ARHGEF38: variants seen among roughly 807,000 people sequenced by gnomAD.
ARHGEF38 encodes Rho guanine nucleotide exchange factor 38.
A neutral mutation model predicts 79.9 loss-of-function variants in ARHGEF38; 79 were observed. The observed-to-expected ratio is 0.99, with a 90% CI of 0.82 to 1.19. The LOEUF (loss-of-function observed/expected upper bound fraction) is 1.19, where lower values mean the gene tolerates loss of function less well. Among genes scored for constraint, ARHGEF38 ranks in the 50% most tolerant of loss-of-function variants. The probability of loss-of-function intolerance (pLI) is 0.00; values close to 1 mark genes in which losing one functional copy is unlikely to be tolerated. For synonymous variants in ARHGEF38, 366 were observed against 328.3 expected, an observed-to-expected ratio of 1.11 and a Z score of -1.24; for missense variants, 962 against 907.2, an observed-to-expected ratio of 1.06 and a Z score of -0.78.
intron 6 of ARHGEF38, among the ~76,000 whole-genome samples, chr4:105,646,497 G>A (rs886858862): frequency 6.6e-6 from 1 of 152,114 alleles, no homozygotes; most frequent in Non-Finnish European, 1.5e-5. Flanking sequence ...TAATGAATAC[G>A]CTAAATGTTG....
intron 1 of ARHGEF38, among the ~76,000 whole-genome samples, chr4:105,566,479 T>C (rs986571686): frequency 2.6e-5 from 4 of 152,234 alleles, no homozygotes; most frequent in African/African-American, 9.6e-5. Flanking sequence ...TGAGATATTC[T>C]GATACAGGCA....
intron 5 of ARHGEF38, among the ~76,000 whole-genome samples, chr4:105,637,111 TAAGGTCCC>T (rs1729428587): frequency 6.6e-6 from 1 of 151,526 alleles, no homozygotes; most frequent in African/African-American, 2.4e-5. Context: ...AGCAACTCTT[TAAGGTCCC>T]AAGCTTCTAG....
chr4:105,667,009 A>G lies in ARHGEF38; in HGVS notation c.1690-120A>G, dbSNP rs115302685. The G allele has an allele frequency of 1.6e-5, 14 of 865,484 alleles. No homozygotes were observed. In the African/African-American group the frequency reaches 2.2e-4, roughly 14 times the overall value. The allele number at this position is 865,484 out of a possible 1,614,324, so 53.6% of individuals were successfully genotyped here. ...TGCTCTATGCCTGCACCTTGAAATAATCCTCTAAAAATATATGACTCCTAC... is the reference window on the plus strand; with the variant it reads ...TGCTCTATGCCTGCACCTTGAAATAGTCCTCTAAAAATATATGACTCCTAC... On this transcript the variant is annotated intron_variant, in intron 11 of 13. Coordinates refer to ENST00000420470, the MANE Select transcript of ARHGEF38 (RefSeq NM_001242729.2).
intron 7 of ARHGEF38, among the ~76,000 whole-genome samples, chr4:105,649,398 GAAGTCTGTATTTTTGCAA>G (rs1391806926): frequency 6.6e-6 from 1 of 152,164 alleles, no homozygotes; most frequent in East Asian, 1.9e-4. Context: ...GTACAATCTA[GAAGTCTGTATTTTTGCAA>G]ACACTCTAGG....
chr4:105,573,520 A>G (rs891821989), intron 1 of ARHGEF38, among the ~76,000 whole-genome samples: 4 of 152,166 alleles, frequency 2.6e-5, no homozygotes, highest in African/African-American at 9.6e-5. Flanking sequence ...GCACCCTTGT[A>G]AAATATCATT....
chr4:105,655,737 T>G lies in ARHGEF38; in HGVS notation c.1233+15T>G, dbSNP rs1380346143. ...GTCATGACTTTGTAAGTTATTTATA[T>G]TCACAGATAAATGCAAATTAAATAG... On this transcript the variant is annotated intron_variant, in intron 9 of 13. Coordinates refer to ENST00000420470, the MANE Select transcript of ARHGEF38 (RefSeq NM_001242729.2). The G allele has an allele frequency of 2.0e-6, 3 of 1,531,884 alleles. No individual in the cohort carries two copies. The highest frequency in any genetic ancestry group is 4.0e-5 in the Admixed American group (2 of 50,526). 94.9% of individuals were successfully genotyped at this position (1,531,884 alleles called of 1,614,324 possible). A position where few individuals can be genotyped will look rare whatever the true frequency, so the allele number is the denominator to read the frequency against.
At chr4:105,673,481 C>T (rs1393065813) in intron 13 of ARHGEF38, among the ~76,000 whole-genome samples, 1 of 152,140 alleles carries the variant, frequency 6.6e-6, no homozygotes, top group Non-Finnish European at 1.5e-5. Flanking sequence ...CATAGTCTGG[C>T]CCTTCATCTT....
At chr4:105,635,391 A>G (rs576708816) in intron 4 of ARHGEF38, among the ~76,000 whole-genome samples, 2 of 152,168 alleles carry the variant, frequency 1.3e-5, no homozygotes, top group Admixed American at 1.3e-4. Flanking sequence ...ACATAAACAC[A>G]ATGTTTAATT....
At chr4:105,570,538 C>A (rs1406965939) in intron 1 of ARHGEF38, among the ~76,000 whole-genome samples, 1 of 152,144 alleles carries the variant, frequency 6.6e-6, no homozygotes, top group Non-Finnish European at 1.5e-5. Flanking sequence ...GCAAACACAT[C>A]CTTCTCATGG....
At chr4:105,665,983 T>A (rs749428096) in intron 10 of ARHGEF38, among the ~76,000 whole-genome samples, 194 bp from the exon 11 acceptor site, 4 of 152,112 alleles carry the variant, frequency 2.6e-5, no homozygotes, top group Non-Finnish European at 4.4e-5. Flanking sequence ...TAAAAAAAAA[T>A]TCCTATCATG....
intron 1 of ARHGEF38, among the ~76,000 whole-genome samples, chr4:105,584,971 T>A (rs1726963352): frequency 6.6e-6 from 1 of 152,176 alleles, no homozygotes; most frequent in Non-Finnish European, 1.5e-5. Context: ...TGCTCAGGAT[T>A]CTAAACCCCA....
intron 2 of ARHGEF38, among the ~76,000 whole-genome samples, chr4:105,596,369 C>G (rs868678623): frequency 6.6e-6 from 1 of 152,136 alleles, no homozygotes; most frequent in South Asian, 2.1e-4. Context: ...TTGTGCCCCC[C>G]ACCCCAAACC....
chr4:105,633,681 A>G (rs1729285235), intron 4 of ARHGEF38, among the ~76,000 whole-genome samples: 1 of 152,196 alleles, frequency 6.6e-6, no homozygotes, highest in African/African-American at 2.4e-5. Context: ...AACCAAAATT[A>G]CAGTATGTTT....
At chr4:105,651,519 C>T (rs909958664) in intron 7 of ARHGEF38, among the ~76,000 whole-genome samples, 1 of 152,172 alleles carries the variant, frequency 6.6e-6, no homozygotes, top group Admixed American at 6.5e-5. Flanking sequence ...GGGGTTGAAT[C>T]CTGATCCTAC....
chr4:105,670,908 A>G (rs1244744815), intron 13 of ARHGEF38, among the ~76,000 whole-genome samples: 4 of 152,294 alleles, frequency 2.6e-5, no homozygotes, highest in African/African-American at 9.6e-5. Flanking sequence ...AGCACCTCAC[A>G]CAGACTTTCT....
At position 105,613,373 on chromosome 4, in the gene ARHGEF38, T is replaced by G; in HGVS notation, c.385-11T>G. The G allele has an allele frequency of 1.2e-6, 2 of 1,611,158 alleles. No homozygotes were observed. Among genetic ancestry groups the G allele is most frequent in the Non-Finnish European group, 8.5e-7 (1 of 1,178,364 alleles). ...GCTTCTCCATCAGCTCAATGTTTTT[T>G]GTTTCTTCAGACTGATAGGCTGGAT... On this transcript the variant is annotated splice_polypyrimidine_tract_variant and intron_variant, in intron 2 of 13. Coordinates refer to ENST00000420470, the MANE Select transcript of ARHGEF38 (RefSeq NM_001242729.2).
chr4:105,637,750 A>G (rs138112258), intron 5 of ARHGEF38, among the ~76,000 whole-genome samples: 2 of 152,244 alleles, frequency 1.3e-5, no homozygotes, highest in African/African-American at 4.8e-5. Flanking sequence ...AGAGAGATTC[A>G]GAGGAGAAAA....
chr4:105,556,690 A>C (rs973088131), intron 1 of ARHGEF38, among the ~76,000 whole-genome samples: 1 of 152,130 alleles, frequency 6.6e-6, no homozygotes, highest in Non-Finnish European at 1.5e-5. Context: ...TAACTGTTGC[A>C]TCTCAGCAGC....
intron 1 of ARHGEF38, among the ~76,000 whole-genome samples, chr4:105,571,825 CA>C (rs756769848): frequency 2.0e-5 from 3 of 152,146 alleles, no homozygotes; most frequent in Admixed American, 6.5e-5. Context: ...ATTGTTGTGA[CA>C]CCAAGAGAAC....
Sources: allele counts gnomAD v4.1 joint callset (sites outside exome capture counted in the v4.1 genomes callset), GRCh38; gene constraint gnomAD v4.1.1; transcripts MANE v1.5; gene names NCBI Gene and HGNC (gene_info 2026-07-23, HGNC 2026-07-21).